Variants in PRAMEF14 observed in about 807,000 individuals in gnomAD.
PRAMEF14 encodes the protein PRAME family member 14.
In PRAMEF14, 24 loss-of-function variants were observed where a neutral mutation model predicts 38.3. The observed-to-expected ratio is 0.63, with a 90% confidence interval of 0.45 to 0.88. The LOEUF (loss-of-function observed/expected upper bound fraction) is 0.88, where lower values mean the gene tolerates loss of function less well. PRAMEF14 is among the 40% of genes least tolerant of loss of function. PRAMEF14 has a pLI of 0.00. For missense variants in PRAMEF14, 477 were observed against 570.8 expected, an observed-to-expected ratio of 0.84 and a Z score of 1.67; for synonymous variants, 194 against 226.4, an observed-to-expected ratio of 0.86 and a Z score of 1.29.
chr1:13,342,471 T>G lies in PRAMEF14; in HGVS notation c.*57A>C, dbSNP rs530274392. The G allele has an allele frequency of 5.2e-5, 83 of 1,594,428 alleles. 1 individual carries two copies. The highest frequency in any genetic ancestry group is 6.8e-5 in the Non-Finnish European group (80 of 1,170,732). On this transcript the variant is annotated 3_prime_UTR_variant, in exon 4 of 4. Coordinates refer to ENST00000334600, the MANE Select transcript of PRAMEF14 (RefSeq NM_001024661.2). ...TTTGCACCTACATAGTAGATTTTAG[T>G]GTCCCAGTGCCTGGAAGAGAACTTT...
At position 13,344,042 on chromosome 1, in the gene PRAMEF14, T is replaced by G; in HGVS notation, c.862A>C (p.Ile288Leu). The change falls in exon 3 of 4, where the codon ATC becomes CTC. Residue 288 changes from isoleucine to leucine, a missense_variant. Transcript: ENST00000334600. ...AAGTGCATGATCCTTCCTCACCTGATCAGCTGTTCCAGGTGCCCACTGAAG... is the reference window on the plus strand; with the variant it reads ...AAGTGCATGATCCTTCCTCACCTGAGCAGCTGTTCCAGGTGCCCACTGAAG... ...TFFSGHLEQL[I>L]RCLQNPLENL... 2 of 1,608,588 alleles carry G rather than the reference T, an allele frequency of 1.2e-6. No homozygotes were observed. The highest frequency in any genetic ancestry group is 1.7e-6 in the Non-Finnish European group (2 of 1,178,604).
intron 3 of PRAMEF14, 141 bp from the exon 4 acceptor site, chr1:13,343,227 G>T (rs1310883144): frequency 1.2e-5 from 8 of 680,864 alleles, no homozygotes; most frequent in South Asian, 1.9e-5. Flanking sequence ...GTTGCTGCAT[G>T]ATGAGGACCC....
intron 3 of PRAMEF14, among the ~76,000 whole-genome samples, chr1:13,343,290 T>C (rs1284349265): frequency 6.7e-6 from 1 of 149,602 alleles, no homozygotes; most frequent in African/African-American, 2.4e-5. Flanking sequence ...ACATTGCTTG[T>C]GTGATTGGTT....
chr1:13,343,450 G>A (rs1420723924), intron 3 of PRAMEF14: 39 of 568,172 alleles, frequency 6.9e-5, no homozygotes, highest in Non-Finnish European at 9.4e-5. Flanking sequence ...GCTACATGTC[G>A]GCAGGGGCTC....
In PRAMEF14 at chr1:13,345,009, C is replaced by T. The variant is rs1447155328; in HGVS notation, c.287+19G>A. The T allele has an allele frequency of 4.9e-5, 70 of 1,438,690 alleles. No homozygotes were observed. Among genetic ancestry groups the T allele is most frequent in the Non-Finnish European group, 6.1e-5 (64 of 1,051,648 alleles). 89.1% of individuals were successfully genotyped at this position (1,438,690 alleles called of 1,614,324 possible). On this transcript the variant is annotated intron_variant, in intron 2 of 3. Transcript: ENST00000334600. ...TGGACACCTGAGCCCTATCTACCAGCCCTCCTGGGTCACCTCACCTGGGGC... is the reference window on the plus strand; with the variant it reads ...TGGACACCTGAGCCCTATCTACCAGTCCTCCTGGGTCACCTCACCTGGGGC...
intron 2 of PRAMEF14, 34 bp from the exon 3 acceptor site, chr1:13,344,650 A>G (rs1640378480): frequency 6.2e-7 from 1 of 1,603,814 alleles, no homozygotes; most frequent in Non-Finnish European, 8.5e-7. Context: ...CTCAGAATTT[A>G]GAAGGACTCA....
Position 13,344,169 on chromosome 1 carries a change from G to A in PRAMEF14, c.735C>T (p.Ser245=). The change falls in exon 3 of 4, where the codon TCC becomes TCT. Residue 245 remains serine, a synonymous_variant. Coordinates refer to ENST00000334600, the MANE Select transcript of PRAMEF14 (RefSeq NM_001024661.2). ...GTCCTTCGAGTTCATTATCTGACAT[G>A]GAATGATGGCACCTGGAGAAAACGA... is the stretch of plus-strand genomic sequence containing the variant. ...RKLVFSRCHH[S]MSDNELEGRL... 2 of 1,605,976 alleles carry A rather than the reference G, an allele frequency of 1.2e-6. No individual in the cohort carries two copies. Among genetic ancestry groups the A allele is most frequent in the South Asian group, 1.1e-5 (1 of 90,580 alleles).
intron 1 of PRAMEF14, among the ~76,000 whole-genome samples, chr1:13,346,570 A>G (rs1384337736): frequency 6.7e-6 from 1 of 149,458 alleles, no homozygotes; most frequent in Non-Finnish European, 1.5e-5. Context: ...GAAGGTTCCT[A>G]TAGACATCAC....
chr1:13,343,139 A>G, intron 3 of PRAMEF14, 53 bp from the exon 4 acceptor site: 1 of 1,513,488 alleles, frequency 6.6e-7, no homozygotes, highest in Non-Finnish European at 9.0e-7. Context: ...AGATGAAGGT[A>G]GTGCCTTCAT....
rs1391403996 is a variant in PRAMEF14 at position 13,344,988 on chromosome 1, C to T, written c.287+40G>A. Reference sequence around the variant, plus strand: ...CTGACCCTGCTGTTCTTTCCCTGGACACCTGAGCCCTATCTACCAGCCCTC... The same window carrying T: ...CTGACCCTGCTGTTCTTTCCCTGGATACCTGAGCCCTATCTACCAGCCCTC... On this transcript the variant is annotated intron_variant, in intron 2 of 3. Coordinates refer to ENST00000334600, the MANE Select transcript of PRAMEF14 (RefSeq NM_001024661.2). The T allele has an allele frequency of 2.2e-6, 3 of 1,350,124 alleles. No individual in the cohort carries two copies. The Admixed American group carries it at 5.7e-5, about 26-fold the overall frequency. 83.6% of individuals were successfully genotyped at this position (1,350,124 alleles called of 1,614,324 possible). A position where few individuals can be genotyped will look rare whatever the true frequency, so the allele number is the denominator to read the frequency against.
chr1:13,343,274 C>G (rs1454890261), intron 3 of PRAMEF14, among the ~76,000 whole-genome samples, 188 bp from the exon 4 acceptor site: 4 of 149,268 alleles, frequency 2.7e-5, no homozygotes, highest in Non-Finnish European at 5.9e-5. Context: ...AGCCTCAGCC[C>G]TTTCAACATT....
chr1:13,344,859 G>A, intron 2 of PRAMEF14, 169 bp downstream of exon 2: 3 of 859,042 alleles, frequency 3.5e-6, no homozygotes, highest in Non-Finnish European at 4.2e-6. Flanking sequence ...CCTGTATGGT[G>A]AGCACTCCTT....
Position 13,344,285 on chromosome 1 carries a change from T to C in PRAMEF14, c.619A>G (p.Ile207Val). ...ATGTTGCGAATTTCCAGCTGTTGAA[T>C]ACTATTCAGGTATATTATTTTCAAT... ...KSLKIIYLNS[I>V]QQLEIRNMSW... Residue 207 changes from isoleucine to valine, a missense_variant, in exon 3 of 4, where the codon ATT becomes GTT. By Grantham distance (29) the Ile-to-Val change is conservative. Around this residue, in one of 4 missense-constraint regions of PRAMEF14, gnomAD observed 234 missense variants for 247.4 expected, o/e 0.95. Transcript: ENST00000334600. 3.7e-6 allele frequency: 6 copies of C among 1,606,296 alleles called. No individual in the cohort carries two copies. The highest frequency in any genetic ancestry group is 2.5e-6 in the Non-Finnish European group (3 of 1,177,030).
intron 1 of PRAMEF14, among the ~76,000 whole-genome samples, chr1:13,345,777 G>A (rs1640395259): frequency 2.0e-5 from 3 of 151,984 alleles, no homozygotes; most frequent in Middle Eastern, 3.4e-3. Flanking sequence ...ACCAAGGCAG[G>A]CAGATCACTT....
Position 13,342,961 on chromosome 1 carries a change from A to T in PRAMEF14, c.992T>A (p.Leu331Gln). 1 of 1,608,826 alleles carries T rather than the reference A, an allele frequency of 6.2e-7. No homozygotes were observed. The highest frequency in any genetic ancestry group is 1.1e-5 in the South Asian group (1 of 90,772). ...YLKHLNLSYV[L>Q]LFRISLEPLG... ...GGGTTCAAGACTGATGCGGAACAGCAGCACGTAGCTGAGATTCAGATGCTT... is the reference window on the plus strand; with the variant it reads ...GGGTTCAAGACTGATGCGGAACAGCTGCACGTAGCTGAGATTCAGATGCTT... The change falls in exon 4 of 4, where the codon CTG becomes CAG. Residue 331 changes from leucine (L) to glutamine (Q), a missense_variant. Leu to Gln is a moderately radical substitution (Grantham distance 113). Transcript: ENST00000334600.
chr1:13,343,955 C>G (rs1640366059), intron 3 of PRAMEF14, 83 bp downstream of exon 3: 1 of 1,587,410 alleles, frequency 6.3e-7, no homozygotes, highest in Admixed American at 1.7e-5. Context: ...CTGGCTGGCA[C>G]ACAGTACACG....
intron 2 of PRAMEF14, 119 bp from the exon 3 acceptor site, chr1:13,344,735 T>C: frequency 6.8e-7 from 1 of 1,479,200 alleles, no homozygotes; most frequent in Admixed American, 1.9e-5. Flanking sequence ...TCTCTTTGTC[T>C]TTTCTCAATC....
intron 1 of PRAMEF14, among the ~76,000 whole-genome samples, chr1:13,346,753 T>C (rs1640409345): frequency 6.7e-6 from 1 of 149,432 alleles, no homozygotes; most frequent in Non-Finnish European, 1.5e-5. Context: ...TGAACTGTAA[T>C]TGAAGGGCAC....
chr1:13,342,331 C>T lies in PRAMEF14; in HGVS notation c.*197G>A. 1.9e-6 allele frequency: 2 copies of T among 1,060,770 alleles called. No individual in the cohort carries two copies. The highest frequency in any genetic ancestry group is 2.6e-6 in the Non-Finnish European group (2 of 761,566). The allele number at this position is 1,060,770 out of a possible 1,614,324, so 65.7% of individuals were successfully genotyped here. On this transcript the variant is annotated 3_prime_UTR_variant, in exon 4 of 4. Coordinates refer to ENST00000334600, the MANE Select transcript of PRAMEF14 (RefSeq NM_001024661.2). Reference sequence around the variant, plus strand: ...AGCTGAGGCAGGAGGATCCCATAAGCCCAGCTGAGGCAGGAGGATCCCAGA... The same window carrying T: ...AGCTGAGGCAGGAGGATCCCATAAGTCCAGCTGAGGCAGGAGGATCCCAGA...
Sources: allele counts gnomAD v4.1 joint callset (sites outside exome capture counted in the v4.1 genomes callset), GRCh38; gene constraint gnomAD v4.1.1; regional missense constraint gnomAD v4.1.1; transcripts MANE v1.5; gene names NCBI Gene and HGNC (gene_info 2026-07-23, HGNC 2026-07-21).